KLRG1: variants seen among roughly 807,000 people sequenced by gnomAD.
The protein encoded by KLRG1 is killer cell lectin like receptor G1.
Under a neutral mutation model 21.8 loss-of-function variants are expected in KLRG1, and 16 were observed. That is an observed-to-expected ratio of 0.73 (90% CI 0.50 to 1.11). The LOEUF (loss-of-function observed/expected upper bound fraction) is 1.11, where lower values mean the gene tolerates loss of function less well. Ranked by LOEUF, KLRG1 falls within the 50% of genes most tolerant of loss-of-function variation. KLRG1 has a pLI of 0.00. For missense variants in KLRG1, 173 were observed against 218.3 expected (o/e 0.79, Z 1.31); for synonymous variants, 69 against 75.9 (o/e 0.91, Z 0.47).
the KLRG1 span, among the ~76,000 whole-genome samples, chr12:9,149,407 AG>A: frequency 6.6e-6 from 1 of 152,222 alleles, no homozygotes; most frequent in Non-Finnish European, 1.5e-5. Flanking sequence ...GCTACAGAAT[AG>A]GCATGCTACG....
chr12:8,993,074 A>G (rs1343263478), intron 2 of KLRG1, among the ~76,000 whole-genome samples: 1 of 116,928 alleles, frequency 8.6e-6, no homozygotes, highest in Non-Finnish European at 1.7e-5. Flanking sequence ...GTAATGAAAC[A>G]TTCTGAATTT....
the KLRG1 span, among the ~76,000 whole-genome samples, chr12:9,132,713 C>G: frequency 6.6e-6 from 1 of 152,008 alleles, no homozygotes; most frequent in Non-Finnish European, 1.5e-5. Flanking sequence ...CGTGATGTGA[C>G]CTAATAACTA....
the KLRG1 span, among the ~76,000 whole-genome samples, chr12:9,059,282 C>G: frequency 6.6e-6 from 1 of 152,218 alleles, no homozygotes; most frequent in East Asian, 1.9e-4. Flanking sequence ...TATATCTTGC[C>G]CTGAAATGTC....
the KLRG1 span, among the ~76,000 whole-genome samples, chr12:9,181,363 T>C: frequency 6.6e-6 from 1 of 152,242 alleles, no homozygotes; most frequent in Non-Finnish European, 1.5e-5. Flanking sequence ...AATAGTTAGA[T>C]CTGTTAAAAG....
chr12:8,992,285 G>T lies in KLRG1; in HGVS notation c.162G>T (p.Leu54=), dbSNP rs148651970. ...GLLTAVLLSV[L]LYQWILCQGS... Reference sequence around the variant, plus strand: ...TGACTGCAGTTCTTCTGAGTGTGCTGCTATACCAGTGGATCCTGTGCCAGG... The same window carrying T: ...TGACTGCAGTTCTTCTGAGTGTGCTTCTATACCAGTGGATCCTGTGCCAGG... Residue 54 remains leucine, a synonymous_variant, in exon 2 of 5, where the codon CTG becomes CTT. Transcript: ENST00000356986. The T allele has an allele frequency of 1.2e-6, 2 of 1,613,346 alleles. No homozygotes were observed. Among genetic ancestry groups the T allele is most frequent in the South Asian group, 2.2e-5 (2 of 90,926 alleles).
the KLRG1 span, chr12:9,115,731 G>T: frequency 2.6e-6 from 4 of 1,542,188 alleles, no homozygotes; most frequent in Non-Finnish European, 3.6e-6. Context: ...AGGACTCTAG[G>T]TTCATGCTTC....
At chr12:9,193,899 GT>G in the KLRG1 span, among the ~76,000 whole-genome samples, 1 of 151,850 alleles carries the variant, frequency 6.6e-6, no homozygotes, top group African/African-American at 2.4e-5. Context: ...CACTTCTGCA[GT>G]GCCTTTTCTA....
At chr12:9,039,800 G>T in the KLRG1 span, among the ~76,000 whole-genome samples, 877 of 152,258 alleles carry the variant, frequency 5.8e-3, 12 homozygotes, top group African/African-American at 0.02. Context: ...GCATTCTTTT[G>T]ATAATACTCA....
At chr12:9,167,725 T>C in the KLRG1 span, among the ~76,000 whole-genome samples, 2 of 152,208 alleles carry the variant, frequency 1.3e-5, no homozygotes, top group Non-Finnish European at 2.9e-5. Context: ...TCATCACACA[T>C]TTTAGAAGCT....
the KLRG1 span, among the ~76,000 whole-genome samples, chr12:9,120,886 T>TGTGTGTGTG: frequency 6.8e-6 from 1 of 147,956 alleles, no homozygotes; most frequent in Non-Finnish European, 1.5e-5. Context: ...TGTGTGTGTA[T>TGTGTGTGTG]TTTTTTTTTT....
chr12:9,187,762 G>A, the KLRG1 span, among the ~76,000 whole-genome samples: 85,237 of 152,040 alleles, frequency 0.56, 23,936 homozygotes, highest in Admixed American at 0.63. Context: ...CATCACAACT[G>A]AAAGAACTAG....
the KLRG1 span, among the ~76,000 whole-genome samples, chr12:9,074,223 C>G: frequency 6.6e-6 from 1 of 151,944 alleles, no homozygotes; most frequent in Non-Finnish European, 1.5e-5. Context: ...TTCCTTTGAA[C>G]AGTTTGAAAG....
chr12:9,117,211 A>G, the KLRG1 span, among the ~76,000 whole-genome samples: 1 of 152,208 alleles, frequency 6.6e-6, no homozygotes, highest in African/African-American at 2.4e-5. Context: ...ACTTCAAATC[A>G]GAAAGGAATT....
At chr12:9,210,014 A>G in the KLRG1 span, among the ~76,000 whole-genome samples, 1 of 152,134 alleles carries the variant, frequency 6.6e-6, no homozygotes, top group African/African-American at 2.4e-5. Flanking sequence ...TACAAATAAT[A>G]CTGCTACAAA....
At chr12:9,120,852 C>CATGTGTGTGTGTGTGTGTGT in the KLRG1 span, among the ~76,000 whole-genome samples, 30 of 143,474 alleles carry the variant, frequency 2.1e-4, no homozygotes, top group African/African-American at 7.2e-4. Context: ...ATCCCACTAA[C>CATGTGTGTGTGTGTGTGTGT]GTGTGTGTGT....
Position 9,003,645 on chromosome 12 carries a change from C to T in KLRG1, c.358-5330C>T, listed in dbSNP as rs986102129. On this transcript the variant is annotated intron_variant, in intron 3 of 4. Coordinates refer to ENST00000356986, the MANE Select transcript of KLRG1 (RefSeq NM_005810.4). ...CCCCAGCATGCACAGTTAAGTGCTC[C>T]ACAGAGAGAAAGTAAAAAATACAGA... Among the ~76,000 whole-genome samples, 2 of 151,748 alleles carry T rather than the reference C, an allele frequency of 1.3e-5. 1 individual carries two copies. Among genetic ancestry groups the T allele is most frequent in the African/African-American group, 4.8e-5 (2 of 41,304 alleles).
the KLRG1 span, among the ~76,000 whole-genome samples, chr12:9,179,206 A>C: frequency 6.6e-6 from 1 of 152,166 alleles, no homozygotes; most frequent in South Asian, 2.1e-4. Flanking sequence ...CTTCCTTCTG[A>C]TAATTATTCT....
the KLRG1 span, chr12:9,104,128 GT>G: frequency 1.8e-6 from 2 of 1,122,624 alleles, no homozygotes; most frequent in Middle Eastern, 2.0e-4. Flanking sequence ...CTAATTGCTA[GT>G]TTTTTTCTCT....
the KLRG1 span, among the ~76,000 whole-genome samples, chr12:9,039,072 G>A: frequency 6.6e-6 from 1 of 152,216 alleles, no homozygotes; most frequent in Non-Finnish European, 1.5e-5. Flanking sequence ...GGAGGCTCTG[G>A]TTGGAGAATA....
Sources: allele counts gnomAD v4.1 joint callset (sites outside exome capture counted in the v4.1 genomes callset), GRCh38; gene constraint gnomAD v4.1.1; transcripts MANE v1.5; gene names NCBI Gene and HGNC (gene_info 2026-07-23, HGNC 2026-07-21).